Variants in TAFA1 observed in about 807,000 individuals in gnomAD.
TAFA1 encodes the protein chemokine-like protein TAFA-1.
Under a neutral mutation model 18.5 loss-of-function variants are expected in TAFA1, and 4 were observed. The observed-to-expected ratio is 0.22, with a 90% CI of 0.11 to 0.49. The LOEUF (loss-of-function observed/expected upper bound fraction) is 0.49. Ranked by LOEUF, TAFA1 falls within the 20% of genes least tolerant of loss-of-function variation. The probability of loss-of-function intolerance (pLI) is 0.98; values close to 1 mark genes in which losing one functional copy is unlikely to be tolerated. For synonymous variants in TAFA1, 56 were observed against 55.2 expected, an observed-to-expected ratio of 1.01 and a Z score of -0.06; for missense variants, 147 against 169.0, an observed-to-expected ratio of 0.87 and a Z score of 0.72.
intron 2 of TAFA1, among the ~76,000 whole-genome samples, chr3:68,008,630 G>T (rs1704410997): frequency 6.6e-6 from 1 of 152,192 alleles, no homozygotes; most frequent in South Asian, 2.1e-4. Flanking sequence ...GTCCTCAGGA[G>T]GCGAAAATGC....
intron 3 of TAFA1, among the ~76,000 whole-genome samples, chr3:68,536,440 C>A (rs1256835201): frequency 6.6e-6 from 1 of 152,132 alleles, no homozygotes; most frequent in South Asian, 2.1e-4. Flanking sequence ...ATCTTTGGAA[C>A]ATGGGGGATG....
intron 3 of TAFA1, among the ~76,000 whole-genome samples, chr3:68,480,289 G>A (rs2072205995): frequency 1.3e-5 from 2 of 151,750 alleles, no homozygotes; most frequent in African/African-American, 2.4e-5. Flanking sequence ...TGTAATCCCA[G>A]CTACTTGGGA....
At chr3:68,413,480 T>C (rs1026374252) in intron 2 of TAFA1, among the ~76,000 whole-genome samples, 2 of 152,190 alleles carry the variant, frequency 1.3e-5, no homozygotes, top group African/African-American at 4.8e-5. Context: ...ATTGGTTGCA[T>C]GGCTATATTG....
intron 2 of TAFA1, among the ~76,000 whole-genome samples, chr3:68,081,212 T>G (rs2064894528): frequency 6.6e-6 from 1 of 152,182 alleles, no homozygotes; most frequent in Non-Finnish European, 1.5e-5. Flanking sequence ...TTATACATTC[T>G]TCTAAATTTT....
rs563428646 is a variant in TAFA1 at position 68,303,013 on chromosome 3, T to C, written c.119-114267T>C. On this transcript the variant is annotated intron_variant, in intron 2 of 4. Transcript: ENST00000478136. The stretch of plus-strand genomic sequence containing the variant: ...AATATTAGTAATCTACCTCATAGGA[T>C]TGTTGTGATGACTACATATTTTTTT... Among the ~76,000 whole-genome samples, 3 of 152,294 alleles carry C rather than the reference T, an allele frequency of 2.0e-5. No individual in the cohort carries two copies. In the South Asian group the frequency reaches 6.2e-4, roughly 32 times the overall value.
At chr3:68,485,098 G>C (rs1271527988) in intron 3 of TAFA1, among the ~76,000 whole-genome samples, 1 of 152,086 alleles carries the variant, frequency 6.6e-6, no homozygotes, top group Admixed American at 6.6e-5. Flanking sequence ...AGGTTCATGG[G>C]TTGCAGTCTC....
intron 2 of TAFA1, among the ~76,000 whole-genome samples, chr3:68,406,976 C>T (rs903651897): frequency 7.9e-5 from 12 of 152,088 alleles, no homozygotes; most frequent in Admixed American, 3.9e-4. Context: ...CCATTTTCTT[C>T]TTTTAAAAAT....
At chr3:68,252,920 G>T (rs985019906) in intron 2 of TAFA1, among the ~76,000 whole-genome samples, 2 of 152,122 alleles carry the variant, frequency 1.3e-5, no homozygotes, top group African/African-American at 4.8e-5. Context: ...CATGAGCTCT[G>T]ATGGTTTTAT....
chr3:68,476,606 C>T (rs1266452499), intron 3 of TAFA1, among the ~76,000 whole-genome samples: 1 of 152,112 alleles, frequency 6.6e-6, no homozygotes, highest in Admixed American at 6.5e-5. Flanking sequence ...CTTAAGGTGG[C>T]TTCATAGATA....
At chr3:68,432,624 G>T (rs1466674995) in intron 3 of TAFA1, among the ~76,000 whole-genome samples, 1 of 151,954 alleles carries the variant, frequency 6.6e-6, no homozygotes, top group African/African-American at 2.4e-5. Flanking sequence ...ACATAGAAAA[G>T]TCTGTATCCC....
At chr3:68,123,819 G>A (rs1004670489) in intron 2 of TAFA1, among the ~76,000 whole-genome samples, 2 of 126,774 alleles carry the variant, frequency 1.6e-5, no homozygotes, top group African/African-American at 6.1e-5. Context: ...GTAACCAGAT[G>A]CTCTAGGAGG....
chr3:68,338,131 T>A (rs1324962194), intron 2 of TAFA1, among the ~76,000 whole-genome samples: 1 of 152,240 alleles, frequency 6.6e-6, no homozygotes, highest in South Asian at 2.1e-4. Context: ...TATGGATCTT[T>A]CATGCCTGTT....
chr3:68,080,197 C>T (rs2064878872), intron 2 of TAFA1, among the ~76,000 whole-genome samples: 1 of 152,094 alleles, frequency 6.6e-6, no homozygotes, highest in African/African-American at 2.4e-5. Flanking sequence ...TATTTTGAGC[C>T]TATGTGTGTC....
At chr3:68,272,350 C>G (rs536064197) in intron 2 of TAFA1, among the ~76,000 whole-genome samples, 4 of 152,288 alleles carry the variant, frequency 2.6e-5, no homozygotes, top group African/African-American at 4.8e-5. Context: ...TTGTCAAACC[C>G]AAGCTTCCTT....
chr3:68,123,429 C>T (rs551760030), intron 2 of TAFA1, among the ~76,000 whole-genome samples: 13 of 152,222 alleles, frequency 8.5e-5, no homozygotes, highest in South Asian at 2.1e-4. Flanking sequence ...TTTCCTCTTG[C>T]GCAACTTTGC....
chr3:68,119,450 T>A (rs1044455639), intron 2 of TAFA1, among the ~76,000 whole-genome samples: 6 of 152,206 alleles, frequency 3.9e-5, no homozygotes, highest in Admixed American at 2.0e-4. Context: ...ATCCAAGAAA[T>A]CATTGCTAAA....
At chr3:67,992,168 T>A in the TAFA1 span, among the ~76,000 whole-genome samples, 1 of 152,218 alleles carries the variant, frequency 6.6e-6, no homozygotes, top group African/African-American at 2.4e-5. Flanking sequence ...TGAAAACATA[T>A]GGAGAAAGCT....
At chr3:68,441,740 C>CA (rs757533076) in intron 3 of TAFA1, among the ~76,000 whole-genome samples, 74 of 152,158 alleles carry the variant, frequency 4.9e-4, no homozygotes, top group Non-Finnish European at 8.1e-4. Context: ...CTGAGGGCTT[C>CA]ATGAGGAGTT....
At chr3:68,100,564 C>T (rs1269740278) in intron 2 of TAFA1, among the ~76,000 whole-genome samples, 4 of 152,146 alleles carry the variant, frequency 2.6e-5, no homozygotes, top group Admixed American at 6.6e-5. Context: ...ATACGTCTTT[C>T]ATGCATGTTT....
Sources: allele counts gnomAD v4.1 joint callset (sites outside exome capture counted in the v4.1 genomes callset), GRCh38; gene constraint gnomAD v4.1.1; transcripts MANE v1.5; gene names NCBI Gene and HGNC (gene_info 2026-07-23, HGNC 2026-07-21).